The following NLN variants were observed in gnomAD, a reference collection of about 807,000 sequenced individuals.
NLN encodes the protein neurolysin, also known as neurolysin, mitochondrial.
In NLN, 64 loss-of-function variants were observed where a neutral mutation model predicts 79.9. The ratio of observed to expected loss-of-function variants is 0.80; its 90% confidence interval spans 0.65 to 0.99. The LOEUF (loss-of-function observed/expected upper bound fraction) is 0.99. Among genes scored for constraint, NLN ranks in the 50% least tolerant of loss-of-function variants. The probability of loss-of-function intolerance (pLI) is 0.00; values close to 1 mark genes in which losing one functional copy is unlikely to be tolerated. For synonymous variants in NLN, 267 were observed against 296.6 expected (o/e 0.90, Z 1.02); for missense variants, 835 against 858.7 (o/e 0.97, Z 0.34).
chr5:65,734,523 A>G (rs1449232512), intron 1 of NLN, among the ~76,000 whole-genome samples: 1 of 86,212 alleles, frequency 1.2e-5, no homozygotes, highest in Non-Finnish European at 2.6e-5. Flanking sequence ...AATGTCAAAA[A>G]TAAATGGAAC....
At chr5:65,799,824 A>C (rs542548377) in intron 9 of NLN, among the ~76,000 whole-genome samples, 1 of 152,302 alleles carries the variant, frequency 6.6e-6, no homozygotes, top group South Asian at 2.1e-4. Context: ...CTTTATTACT[A>C]TTATTTCCAG....
At chr5:65,796,425 T>A (rs1178789507) in intron 9 of NLN, among the ~76,000 whole-genome samples, 1 of 152,254 alleles carries the variant, frequency 6.6e-6, no homozygotes, top group Non-Finnish European at 1.5e-5. Context: ...GTGACTGAAC[T>A]ATTAATATAT....
intron 3 of NLN, among the ~76,000 whole-genome samples, chr5:65,769,988 T>C (rs1364034806): frequency 6.6e-6 from 1 of 152,220 alleles, no homozygotes; most frequent in African/African-American, 2.4e-5. Flanking sequence ...CGGTAATTGC[T>C]GGGACATAAG....
chr5:65,791,945 G>C (rs542582002), intron 8 of NLN, among the ~76,000 whole-genome samples: 1 of 152,202 alleles, frequency 6.6e-6, no homozygotes, highest in East Asian at 1.9e-4. Flanking sequence ...TTTCAAAAAG[G>C]CCTGTCTAGT....
At chr5:65,771,489 T>G (rs188361983) in intron 3 of NLN, among the ~76,000 whole-genome samples, 2 of 152,262 alleles carry the variant, frequency 1.3e-5, no homozygotes, top group Non-Finnish European at 2.9e-5. Flanking sequence ...GGCTGAATTA[T>G]GCAAGCTAAA....
chr5:65,775,857 G>A (rs1759668779), intron 3 of NLN, among the ~76,000 whole-genome samples: 1 of 152,236 alleles, frequency 6.6e-6, no homozygotes, highest in Non-Finnish European at 1.5e-5. Context: ...GGGATACAAA[G>A]GGAGGTTGCT....
In NLN at chr5:65,807,102, G is replaced by A. The variant is rs183729432; in HGVS notation, c.1528-2413G>A. On this transcript the variant is annotated intron_variant, in intron 9 of 12. Transcript: ENST00000380985. The stretch of plus-strand genomic sequence containing the variant: ...TAAGGCGGGAGGATCGCTTGAACCC[G>A]GGAGGCAGAGGTTACAGTGAGCTGA... Among the ~76,000 whole-genome samples the A allele has an allele frequency of 7.3e-5, 11 of 151,676 alleles. 1 individual carries two copies. The highest frequency in any genetic ancestry group is 4.2e-4 in the South Asian group (2 of 4,798).
chr5:65,818,046 T>G (rs1372427937), intron 12 of NLN, among the ~76,000 whole-genome samples: 2 of 152,232 alleles, frequency 1.3e-5, no homozygotes, highest in Non-Finnish European at 2.9e-5. Flanking sequence ...TCGCCTGACT[T>G]GAGGGACAAA....
In NLN at chr5:65,763,036, CAA is replaced by C. The variant is rs764719801; in HGVS notation, c.381_382del (p.Arg128ThrfsTer5). The C allele has an allele frequency of 6.8e-6, 11 of 1,613,740 alleles. No individual in the cohort carries two copies. Among genetic ancestry groups the C allele is most frequent in the Non-Finnish European group, 9.3e-6 (11 of 1,179,788 alleles). On this transcript the variant is annotated frameshift_variant, in exon 3 of 13. Transcript: ENST00000380985. LOFTEE classifies it high-confidence loss of function. ...EVRAASTEADKRLSRFDIEMS... is the reference protein window; with the variant it reads ...EVRAASTEADXRLSRFDIEMS... Reference sequence around the variant, plus strand: ...TACGAGCAGCAAGTACAGAAGCAGACAAAAGACTTTCTCGTTTTGATATTGAG... The same window carrying C: ...TACGAGCAGCAAGTACAGAAGCAGACAAGACTTTCTCGTTTTGATATTGAG...
chr5:65,742,806 T>C (rs548268508), intron 1 of NLN, among the ~76,000 whole-genome samples: 4 of 152,338 alleles, frequency 2.6e-5, no homozygotes, highest in African/African-American at 9.6e-5. Flanking sequence ...ACTCAAAGTC[T>C]CTTTATGACG....
chr5:65,784,932 T>A (rs1254340122), intron 6 of NLN, among the ~76,000 whole-genome samples: 1 of 152,252 alleles, frequency 6.6e-6, no homozygotes, highest in Non-Finnish European at 1.5e-5. Flanking sequence ...AAAATATTTG[T>A]CTTTTTGTAT....
intron 3 of NLN, 52 bp from the exon 4 acceptor site, chr5:65,777,375 T>C: frequency 8.6e-7 from 1 of 1,159,786 alleles, no homozygotes; most frequent in Non-Finnish European, 1.3e-6. Flanking sequence ...TAGTTTATAA[T>C]TTACCTGTGC....
intron 3 of NLN, among the ~76,000 whole-genome samples, chr5:65,774,317 C>G (rs1400783620): frequency 6.6e-6 from 1 of 152,068 alleles, no homozygotes; most frequent in Non-Finnish European, 1.5e-5. Context: ...CTTCTAAGAA[C>G]TTTAGCCTTC....
intron 9 of NLN, among the ~76,000 whole-genome samples, chr5:65,797,851 G>A (rs1397840752): frequency 3.9e-5 from 6 of 152,162 alleles, no homozygotes; most frequent in Non-Finnish European, 8.8e-5. Context: ...CTTACCTTCA[G>A]TGGGTTTTGA....
At chr5:65,793,176 A>G (rs1359847060) in intron 9 of NLN, 7 of 202,708 alleles carry the variant, frequency 3.5e-5, no homozygotes, top group East Asian at 3.0e-4. Context: ...TGTGCAGTAG[A>G]TTAAAACTGA....
chr5:65,790,267 T>C (rs577836752), intron 8 of NLN, among the ~76,000 whole-genome samples: 12 of 152,296 alleles, frequency 7.9e-5, no homozygotes, highest in Non-Finnish European at 1.5e-4. Context: ...GAAAAGTAGG[T>C]TGAGTAACTG....
At chr5:65,763,380 C>T (rs1759381089) in intron 3 of NLN, among the ~76,000 whole-genome samples, 1 of 152,048 alleles carries the variant, frequency 6.6e-6, no homozygotes, top group Non-Finnish European at 1.5e-5. Flanking sequence ...TTGATGGTTA[C>T]ATGTAAGGGT....
chr5:65,804,580 A>G (rs987016406), intron 9 of NLN, among the ~76,000 whole-genome samples: 20 of 152,126 alleles, frequency 1.3e-4, no homozygotes, highest in African/African-American at 4.8e-4. Context: ...CTCAGGTTGG[A>G]GTCCAGTGGT....
At position 65,764,957 on chromosome 5, in the gene NLN, G is replaced by A. The variant is rs1274837207; in HGVS notation, c.450+1849G>A. 2.6e-5 allele frequency among the ~76,000 whole-genome samples: 4 copies of A among 152,198 alleles called. No individual in the cohort carries two copies. In the South Asian group the frequency reaches 6.2e-4, roughly 24 times the overall value. On this transcript the variant is annotated intron_variant, in intron 3 of 12. Coordinates refer to ENST00000380985, the MANE Select transcript of NLN (RefSeq NM_020726.5). ...TTACCAGTATTAGTTCTCTGCTGGAGTTGGACACTTTAATAAATGGTAAAA... is the reference window on the plus strand; with the variant it reads ...TTACCAGTATTAGTTCTCTGCTGGAATTGGACACTTTAATAAATGGTAAAA...
Sources: gnomAD v4.1 joint callset for allele counts (sites outside exome capture counted in the v4.1 genomes callset) on GRCh38, gnomAD v4.1.1 for gene constraint, MANE v1.5 for transcripts, NCBI Gene and HGNC (gene_info 2026-07-23, HGNC 2026-07-21) for gene names.